ANGPT1: variants seen among roughly 807,000 people sequenced by gnomAD.
The protein encoded by ANGPT1 is angiopoietin-1.
ANGPT1 carries 17 observed loss-of-function variants against 62.2 expected under a neutral mutation model. That is an observed-to-expected ratio of 0.27 (90% CI 0.19 to 0.41). The LOEUF is 0.41. ANGPT1 is among the 10% of genes least tolerant of loss of function. The pLI is 1.00. For synonymous variants in ANGPT1, 199 were observed against 198.9 expected, an observed-to-expected ratio of 1.00 and a Z score of 0.00; for missense variants, 478 against 594.9, an observed-to-expected ratio of 0.80 and a Z score of 2.04.
intron 1 of ANGPT1, among the ~76,000 whole-genome samples, chr8:107,428,091 T>G (rs1254375029): frequency 6.6e-6 from 1 of 152,230 alleles, no homozygotes; most frequent in Non-Finnish European, 1.5e-5. Context: ...CATATGGCCT[T>G]TCATGTGACC....
intron 1 of ANGPT1, among the ~76,000 whole-genome samples, chr8:107,373,636 A>G (rs1672190): frequency 0.74 from 113,042 of 151,842 alleles, 42,936 homozygotes; most frequent in East Asian, 0.87. Flanking sequence ...AAGTTCTACG[A>G]TGATGGAAGT....
intron 7 of ANGPT1, among the ~76,000 whole-genome samples, chr8:107,274,784 A>G (rs1438259131): frequency 6.6e-6 from 1 of 152,172 alleles, no homozygotes; most frequent in Non-Finnish European, 1.5e-5. Flanking sequence ...CCTGTGTTGA[A>G]TGCACAAAAA....
chr8:107,428,594 G>A (rs1811095727), intron 1 of ANGPT1, among the ~76,000 whole-genome samples: 1 of 151,574 alleles, frequency 6.6e-6, no homozygotes. Context: ...GGTTTTTCTT[G>A]GTCTTATTAT....
chr8:107,348,250 T>C (rs1420046126), intron 1 of ANGPT1, among the ~76,000 whole-genome samples: 10 of 152,234 alleles, frequency 6.6e-5, no homozygotes, highest in Non-Finnish European at 1.0e-4. Flanking sequence ...ATGTGATTTT[T>C]ACTGATTTAG....
At chr8:107,267,096 T>G (rs1813631892) in intron 7 of ANGPT1, among the ~76,000 whole-genome samples, 1 of 152,082 alleles carries the variant, frequency 6.6e-6, no homozygotes. Flanking sequence ...TATAAAATTT[T>G]TGAACACTAT....
chr8:107,257,392 T>C (rs1813383149), intron 8 of ANGPT1, among the ~76,000 whole-genome samples: 1 of 152,194 alleles, frequency 6.6e-6, no homozygotes, highest in Admixed American at 6.5e-5. Flanking sequence ...AGATGAAACT[T>C]TGCCCAGAAA....
chr8:107,462,423 T>C (rs1586343134), intron 1 of ANGPT1, among the ~76,000 whole-genome samples: 1 of 150,208 alleles, frequency 6.7e-6, no homozygotes, highest in Non-Finnish European at 1.5e-5. Flanking sequence ...AGGATCACAA[T>C]GTAAAAACCA....
At position 107,275,320 on chromosome 8, in the gene ANGPT1, C is replaced by T. The variant is rs113117860; in HGVS notation, c.1205+9362G>A. Among the ~76,000 whole-genome samples, 942 of 152,204 alleles carry T rather than the reference C, an allele frequency of 6.2e-3. 9 individuals carry two copies. Among genetic ancestry groups the T allele is most frequent in the African/African-American group, 0.021 (884 of 41,536 alleles). On this transcript the variant is annotated intron_variant, in intron 7 of 8. Coordinates refer to ENST00000517746, the MANE Select transcript of ANGPT1 (RefSeq NM_001146.5). ...ATGATTGCTCATTATTACCCCCTTA[C>T]GCTCTAAGCTTAAGCAACAGTTAAC...
rs1001857153 is a variant in ANGPT1, at chr8:107,263,113, G to A, written c.1336+1108C>T. 2.1e-5 allele frequency among the ~76,000 whole-genome samples: 3 copies of A among 140,930 alleles called. No individual in the cohort carries two copies. The Admixed American group carries it at 2.2e-4, about 10-fold the overall frequency. The allele number at this position is 140,930 out of a possible 152,430, so 92.5% of individuals were successfully genotyped here. A position where few individuals can be genotyped will look rare whatever the true frequency, so the allele number is the denominator to read the frequency against. On this transcript the variant is annotated intron_variant, in intron 8 of 8. Transcript: ENST00000517746. ...TCATGCCTCTAATCCCAGCACTTTG[G>A]GAGAGCAAGGTGGGCGGATCACTTG...
intron 2 of ANGPT1, among the ~76,000 whole-genome samples, chr8:107,338,736 C>A (rs1815630224): frequency 6.6e-6 from 1 of 152,152 alleles, no homozygotes; most frequent in African/African-American, 2.4e-5. Context: ...ATTGGAGATG[C>A]ACAAGATATA....
intron 1 of ANGPT1, among the ~76,000 whole-genome samples, chr8:107,362,169 T>C (rs1053916374): frequency 6.6e-6 from 1 of 152,238 alleles, no homozygotes; most frequent in Non-Finnish European, 1.5e-5. Flanking sequence ...TCAATGAGCA[T>C]TTACTCAGTA....
At chr8:107,274,196 C>A (rs904618350) in intron 7 of ANGPT1, among the ~76,000 whole-genome samples, 1 of 152,018 alleles carries the variant, frequency 6.6e-6, no homozygotes, top group South Asian at 2.1e-4. Context: ...TCTTTAGGTG[C>A]GACTCAGAAA....
At chr8:107,451,885 C>T (rs1811787240) in intron 1 of ANGPT1, among the ~76,000 whole-genome samples, 1 of 151,866 alleles carries the variant, frequency 6.6e-6, no homozygotes. Context: ...ATTTTTGATT[C>T]ACCATCAGCA....
At chr8:107,293,311 A>G (rs961313694) in intron 6 of ANGPT1, among the ~76,000 whole-genome samples, 1 of 152,076 alleles carries the variant, frequency 6.6e-6, no homozygotes, top group African/African-American at 2.4e-5. Context: ...TCGTGCCTTA[A>G]ATCTGGACTT....
At chr8:107,282,742 G>T (rs769361843) in intron 7 of ANGPT1, among the ~76,000 whole-genome samples, 9 of 151,234 alleles carry the variant, frequency 6.0e-5, no homozygotes, top group Admixed American at 6.6e-5. Flanking sequence ...ACCCTAGCAG[G>T]GAAGACTTAC....
At chr8:107,473,699 G>T (rs1812425900) in intron 1 of ANGPT1, among the ~76,000 whole-genome samples, 1 of 151,990 alleles carries the variant, frequency 6.6e-6, no homozygotes, top group Non-Finnish European at 1.5e-5. Context: ...AACACTAATG[G>T]AACAGTGCAG....
intron 1 of ANGPT1, among the ~76,000 whole-genome samples, chr8:107,467,366 A>T (rs531370138): frequency 1.3e-5 from 2 of 152,028 alleles, no homozygotes; most frequent in South Asian, 4.2e-4. Flanking sequence ...AGATTCTTAC[A>T]GTTCTCAATG....
intron 1 of ANGPT1, among the ~76,000 whole-genome samples, chr8:107,449,883 A>C (rs772914101): frequency 2.6e-5 from 4 of 152,188 alleles, no homozygotes; most frequent in Middle Eastern, 3.4e-3. Context: ...ACTTACTATC[A>C]AATAATTTTC....
intron 7 of ANGPT1, among the ~76,000 whole-genome samples, chr8:107,275,127 T>C (rs902349959): frequency 7.2e-5 from 11 of 152,150 alleles, no homozygotes; most frequent in African/African-American, 1.9e-4. Flanking sequence ...CCACAGTAGC[T>C]TGCATATTGT....
Sources: gnomAD v4.1 joint callset for allele counts (sites outside exome capture counted in the v4.1 genomes callset) on GRCh38, gnomAD v4.1.1 for gene constraint, MANE v1.5 for transcripts, NCBI Gene and HGNC (gene_info 2026-07-23, HGNC 2026-07-21) for gene names.